Variants in CIBAR1 observed in about 807,000 individuals in gnomAD.
CIBAR1 encodes the protein CBY1 interacting BAR domain containing 1.
Under a neutral mutation model 44.0 loss-of-function variants are expected in CIBAR1, and 25 were observed. That is an observed-to-expected ratio of 0.57 (90% CI 0.41 to 0.79). CIBAR1 has a LOEUF of 0.79. CIBAR1 is among the 30% of genes least tolerant of loss of function. CIBAR1 has a pLI of 0.00. For synonymous variants in CIBAR1, 115 were observed against 119.0 expected, an observed-to-expected ratio of 0.97 and a Z score of 0.22; for missense variants, 278 against 344.8, an observed-to-expected ratio of 0.81 and a Z score of 1.53.
rs1015966220 is a variant in CIBAR1 at position 93,700,573 on chromosome 8, C to T, written c.-75C>T. On this transcript the variant is annotated 5_prime_UTR_variant, in exon 1 of 9. Coordinates refer to ENST00000518322, the MANE Select transcript of CIBAR1 (RefSeq NM_145269.5). ...TCAGGCTCCCGGCGGCTGCTTGCGC[C>T]CCAGCGCGCGCCCAGGCGCCTTGGA... The T allele has an allele frequency of 2.1e-5, 30 of 1,403,644 alleles. No individual in the cohort carries two copies. In the East Asian group the frequency reaches 7.4e-4, roughly 35 times the overall value. The allele number at this position is 1,403,644 out of a possible 1,614,324, so 86.9% of individuals were successfully genotyped here.
intron 1 of CIBAR1, 191 bp from the exon 2 acceptor site, chr8:93,701,033 G>C: frequency 6.9e-7 from 1 of 1,441,822 alleles, no homozygotes. Flanking sequence ...GCCTTTTCCT[G>C]TGCCTACACA....
intron 6 of CIBAR1, 51 bp downstream of exon 6, chr8:93,709,926 A>C: frequency 7.5e-7 from 1 of 1,331,984 alleles, no homozygotes; most frequent in South Asian, 1.3e-5. Flanking sequence ...CTTTTTTTTT[A>C]CTTTAATGAA....
intron 4 of CIBAR1, among the ~76,000 whole-genome samples, chr8:93,706,590 G>GA (rs1432248355): frequency 2.0e-5 from 3 of 152,126 alleles, no homozygotes; most frequent in African/African-American, 7.2e-5. Context: ...ACACAGAAAT[G>GA]AATCTATTCC....
rs1811740771 is a variant in CIBAR1 at position 93,730,373 on chromosome 8, C to T, written c.*2076C>T. Reference sequence around the variant, plus strand: ...ACCTATCTCTTGGTTGTGGGATTGACTTTCTAGACATGATCTACATTTTTT... The same window carrying T: ...ACCTATCTCTTGGTTGTGGGATTGATTTTCTAGACATGATCTACATTTTTT... On this transcript the variant is annotated 3_prime_UTR_variant, in exon 9 of 9. Transcript: ENST00000518322. 1 of 152,128 alleles carries T rather than the reference C, an allele frequency of 6.6e-6. No individual in the cohort carries two copies. The highest frequency in any genetic ancestry group is 1.5e-5 in the Non-Finnish European group (1 of 68,028). 9.4% of individuals were successfully genotyped at this position (152,128 alleles called of 1,614,324 possible).
chr8:93,709,020 TG>T (rs1256427935), intron 5 of CIBAR1, among the ~76,000 whole-genome samples: 1 of 152,196 alleles, frequency 6.6e-6, no homozygotes, highest in Non-Finnish European at 1.5e-5. Context: ...GGCTTACACC[TG>T]TAATCCCTGC....
chr8:93,708,126 ATTAC>A (rs1810677035), intron 5 of CIBAR1, 110 bp downstream of exon 5: 3 of 713,980 alleles, frequency 4.2e-6, no homozygotes, highest in East Asian at 3.1e-5. Flanking sequence ...ATGTCACAGT[ATTAC>A]TTATCACAGA....
Position 93,706,949 on chromosome 8 carries a change from G to C in CIBAR1, c.433-1062G>C, listed in dbSNP as rs117307829. 9.9e-3 allele frequency among the ~76,000 whole-genome samples: 1,505 copies of C among 152,260 alleles called. 16 individuals are homozygous for C. Among genetic ancestry groups the C allele is most frequent in the Non-Finnish European group, 0.015 (1,004 of 68,018 alleles). On this transcript the variant is annotated intron_variant, in intron 4 of 8. Coordinates refer to ENST00000518322, the MANE Select transcript of CIBAR1 (RefSeq NM_145269.5). ...AGTTTGATATGTAAGATAAAATGGA[G>C]TCCCTCTGATAGAGAGGATAGGGAA...
In CIBAR1 at chr8:93,727,739, C is replaced by T. The variant is rs369797925; in HGVS notation, c.778-466C>T. On this transcript the variant is annotated intron_variant, in intron 8 of 8. Transcript: ENST00000518322. ...GAGAAGTTTTAAGCAATATGCCCCA[C>T]GTGGCGGCAGTCAGGCAACTTAAAA... Among the ~76,000 whole-genome samples the T allele has an allele frequency of 1.1e-4, 16 of 152,304 alleles. No individual in the cohort carries two copies. In the East Asian group the frequency reaches 2.3e-3, roughly 22 times the overall value.
At chr8:93,713,937 G>A (rs560006932) in intron 6 of CIBAR1, among the ~76,000 whole-genome samples, 3 of 152,174 alleles carry the variant, frequency 2.0e-5, no homozygotes, top group Admixed American at 2.0e-4. Context: ...TAAAATTGAT[G>A]TGGCTATTCT....
At chr8:93,701,178 C>T in intron 1 of CIBAR1, 46 bp from the exon 2 acceptor site, 6 of 1,576,008 alleles carry the variant, frequency 3.8e-6, no homozygotes, top group Non-Finnish European at 5.2e-6. Context: ...GAAGCCTTCT[C>T]ATCTCTAACG....
At chr8:93,716,345 G>A (rs1289902593) in intron 6 of CIBAR1, among the ~76,000 whole-genome samples, 6 of 151,184 alleles carry the variant, frequency 4.0e-5, no homozygotes, top group Admixed American at 2.0e-4. Context: ...CACCCGGCCT[G>A]TGTTTGTTGT....
At chr8:93,719,986 T>C (rs1237602679) in intron 7 of CIBAR1, 1 of 150,076 alleles carries the variant, frequency 6.7e-6, no homozygotes, top group African/African-American at 2.5e-5. Context: ...TTTTTTTGTA[T>C]CTTCCCCCGC....
At chr8:93,725,362 G>A (rs1381566382) in intron 7 of CIBAR1, among the ~76,000 whole-genome samples, 1 of 152,112 alleles carries the variant, frequency 6.6e-6, no homozygotes, top group Non-Finnish European at 1.5e-5. Flanking sequence ...AAAAGGAGAT[G>A]TAAAGAAATA....
Position 93,708,029 on chromosome 8 carries a change from G to T in CIBAR1, c.438+13G>T. ...ATTTCAGTCACAGGTGGGTAATAAAGTGGTGTGTCAAGAAATGGATCCTTA... is the reference window on the plus strand; with the variant it reads ...ATTTCAGTCACAGGTGGGTAATAAATTGGTGTGTCAAGAAATGGATCCTTA... On this transcript the variant is annotated intron_variant, in intron 5 of 8. Coordinates refer to ENST00000518322, the MANE Select transcript of CIBAR1 (RefSeq NM_145269.5). The T allele has an allele frequency of 6.4e-7, 1 of 1,563,310 alleles. No individual in the cohort carries two copies. The highest frequency in any genetic ancestry group is 8.6e-7 in the Non-Finnish European group (1 of 1,158,452).
At chr8:93,713,750 A>G (rs886561557) in intron 6 of CIBAR1, among the ~76,000 whole-genome samples, 1 of 152,160 alleles carries the variant, frequency 6.6e-6, no homozygotes, top group Non-Finnish European at 1.5e-5. Flanking sequence ...TCTTTCCTCA[A>G]TTGAATGGTC....
chr8:93,701,836 A>G (rs753870399), intron 2 of CIBAR1: 1 of 229,490 alleles, frequency 4.4e-6, no homozygotes, highest in Non-Finnish European at 8.6e-6. Flanking sequence ...AATGTTGGGA[A>G]TGGTAATGTG....
At chr8:93,726,541 AT>A in intron 8 of CIBAR1, 28 bp downstream of exon 8, 2 of 1,610,688 alleles carry the variant, frequency 1.2e-6, no homozygotes, top group Non-Finnish European at 1.7e-6. Context: ...CTCTAAAGGA[AT>A]TTGAGCTGCT....
Position 93,700,570 on chromosome 8 carries a change from C to T in CIBAR1, c.-78C>T, listed in dbSNP as rs1415235485. The T allele has an allele frequency of 6.5e-6, 9 of 1,392,830 alleles. No homozygotes were observed. In the South Asian group the frequency reaches 1.1e-4, roughly 17 times the overall value. 86.3% of individuals were successfully genotyped at this position (1,392,830 alleles called of 1,614,324 possible). On this transcript the variant is annotated 5_prime_UTR_variant, in exon 1 of 9. Transcript: ENST00000518322. The stretch of plus-strand genomic sequence containing the variant: ...CTTTCAGGCTCCCGGCGGCTGCTTG[C>T]GCCCCAGCGCGCGCCCAGGCGCCTT...
intron 1 of CIBAR1, chr8:93,700,947 C>T: frequency 7.3e-7 from 1 of 1,374,204 alleles, no homozygotes; most frequent in Non-Finnish European, 9.3e-7. Flanking sequence ...AGGAGGCAGC[C>T]GGGCGCCCAG....
Sources: allele counts gnomAD v4.1 joint callset (sites outside exome capture counted in the v4.1 genomes callset), GRCh38; gene constraint gnomAD v4.1.1; transcripts MANE v1.5; gene names NCBI Gene and HGNC (gene_info 2026-07-23, HGNC 2026-07-21).